The following CDYL2 variants were observed in gnomAD, a reference collection of about 807,000 sequenced individuals.
CDYL2 encodes the protein chromodomain Y-like protein 2.
In CDYL2, 23 loss-of-function variants were observed where a neutral mutation model predicts 49.4. The ratio of observed to expected loss-of-function variants is 0.47; its 90% CI spans 0.34 to 0.66. The LOEUF is 0.66. CDYL2 is among the 30% of genes least tolerant of loss of function. CDYL2 has a pLI of 0.01. For synonymous variants in CDYL2, 360 were observed against 268.8 expected, an observed-to-expected ratio of 1.34 and a Z score of -3.32; for missense variants, 678 against 656.4, an observed-to-expected ratio of 1.03 and a Z score of -0.36.
At position 80,804,199 on chromosome 16, in the gene CDYL2, G is replaced by A. The variant is rs779446449; in HGVS notation, c.-26C>T. The A allele has an allele frequency of 3.0e-6, 4 of 1,331,500 alleles. No individual in the cohort carries two copies. The South Asian group carries it at 4.2e-5, about 14-fold the overall frequency. 82.5% of individuals were successfully genotyped at this position (1,331,500 alleles called of 1,614,324 possible). On this transcript the variant is annotated 5_prime_UTR_variant, in exon 1 of 7. Coordinates refer to ENST00000570137, the MANE Select transcript of CDYL2 (RefSeq NM_152342.4). ...GCCAGGCTGCGGAACTTGGCTCGCCGGTGTGCGCGTCTGCTCGCTCGCGCC... is the reference window on the plus strand; with the variant it reads ...GCCAGGCTGCGGAACTTGGCTCGCCAGTGTGCGCGTCTGCTCGCTCGCGCC...
intron 2 of CDYL2, among the ~76,000 whole-genome samples, chr16:80,675,058 G>C (rs938105081): frequency 3.9e-5 from 6 of 152,202 alleles, no homozygotes; most frequent in African/African-American, 9.7e-5. Context: ...CAGGACCAGA[G>C]GTTCCACCTC....
intron 2 of CDYL2, among the ~76,000 whole-genome samples, chr16:80,633,728 C>A (rs1302602054): frequency 3.3e-5 from 5 of 152,180 alleles, no homozygotes; most frequent in Non-Finnish European, 7.4e-5. Context: ...CCCCCTAGGG[C>A]TTCCTCAGGC....
At chr16:80,633,341 TG>T in intron 2 of CDYL2, 105 bp from the exon 3 acceptor site, 3 of 1,130,378 alleles carry the variant, frequency 2.7e-6, no homozygotes, top group South Asian at 1.5e-5. Flanking sequence ...TTGGATGTGC[TG>T]GGACACACCA....
chr16:80,636,531 A>C (rs28860586), intron 2 of CDYL2, among the ~76,000 whole-genome samples: 9,032 of 152,192 alleles, frequency 0.059, 820 homozygotes, highest in African/African-American at 0.2. Flanking sequence ...GTTAGAATGG[A>C]GATCATTAAG....
rs1375296494 is a variant in CDYL2, at chr16:80,656,527, T to C, written c.617-23291A>G. Among the ~76,000 whole-genome samples the C allele has an allele frequency of 2.6e-5, 4 of 152,202 alleles. No homozygotes were observed. The South Asian group carries it at 6.2e-4, about 24-fold the overall frequency. ...GCTGAGAAGTAAAGGAAATGGTGCA[T>C]GCTACATATCTGGAAAATAGGAAAG... On this transcript the variant is annotated intron_variant, in intron 2 of 6. Coordinates refer to ENST00000570137, the MANE Select transcript of CDYL2 (RefSeq NM_152342.4).
intron 4 of CDYL2, among the ~76,000 whole-genome samples, chr16:80,615,106 G>C (rs1906771384): frequency 6.6e-6 from 1 of 152,152 alleles, no homozygotes; most frequent in Admixed American, 6.5e-5. Flanking sequence ...CCCTAAGATG[G>C]TGGAGTTAGC....
At position 80,709,391 on chromosome 16, in the gene CDYL2, A is replaced by T. The variant is rs559345337; in HGVS notation, c.25-24262T>A. On this transcript the variant is annotated intron_variant, in intron 1 of 6. Transcript: ENST00000570137. ...AGCGAGACTCCATTTCAAAAAAAAA[A>T]AAAAAAGAAAATACAAATTTGTTCC... Among the ~76,000 whole-genome samples, 21 of 152,082 alleles carry T rather than the reference A, an allele frequency of 1.4e-4. No individual in the cohort carries two copies. The South Asian group carries it at 2.5e-3, about 18-fold the overall frequency.
intron 3 of CDYL2, among the ~76,000 whole-genome samples, chr16:80,622,264 C>T (rs1035254587): frequency 2.0e-5 from 3 of 152,124 alleles, no homozygotes; most frequent in African/African-American, 7.2e-5. Context: ...CATTTACCAC[C>T]CTGCAGCCTT....
chr16:80,712,898 C>T (rs531898346), intron 1 of CDYL2, among the ~76,000 whole-genome samples: 1 of 152,124 alleles, frequency 6.6e-6, no homozygotes, highest in African/African-American at 2.4e-5. Flanking sequence ...CAAAGGGGTA[C>T]CAGCTTCCTT....
chr16:80,769,260 G>C (rs1023691804), intron 1 of CDYL2, among the ~76,000 whole-genome samples: 1 of 152,208 alleles, frequency 6.6e-6, no homozygotes, highest in African/African-American at 2.4e-5. Flanking sequence ...ACATCATTAT[G>C]TGATTGAGAG....
intron 2 of CDYL2, among the ~76,000 whole-genome samples, chr16:80,636,918 C>G (rs932475043): frequency 6.6e-6 from 1 of 152,112 alleles, no homozygotes; most frequent in Non-Finnish European, 1.5e-5. Flanking sequence ...ATGGATGAAG[C>G]TGGAAACCAT....
chr16:80,746,895 C>G (rs549260845), intron 1 of CDYL2, among the ~76,000 whole-genome samples: 2 of 152,228 alleles, frequency 1.3e-5, no homozygotes, highest in East Asian at 3.9e-4. Flanking sequence ...TTCCCAGCTT[C>G]TCTTCTCTTT....
intron 1 of CDYL2, among the ~76,000 whole-genome samples, chr16:80,770,765 T>A (rs550571559): frequency 6.6e-6 from 1 of 152,178 alleles, no homozygotes; most frequent in African/African-American, 2.4e-5. Flanking sequence ...ATATACAAAA[T>A]CCTATTATGC....
intron 1 of CDYL2, among the ~76,000 whole-genome samples, chr16:80,760,264 A>G (rs76404269): frequency 0.02 from 3,042 of 152,284 alleles, 32 homozygotes; most frequent in Middle Eastern, 0.037. Context: ...CACACTTGAG[A>G]AAGTTCACTG....
At chr16:80,700,029 G>C (rs1353027474) in intron 1 of CDYL2, among the ~76,000 whole-genome samples, 3 of 152,128 alleles carry the variant, frequency 2.0e-5, no homozygotes, top group Non-Finnish European at 4.4e-5. Context: ...AACCACGCCT[G>C]GCTGATTTTT....
intron 2 of CDYL2, among the ~76,000 whole-genome samples, chr16:80,677,646 G>T (rs1415428211): frequency 6.6e-6 from 1 of 152,088 alleles, no homozygotes; most frequent in Non-Finnish European, 1.5e-5. Flanking sequence ...GGCTGAGGCA[G>T]GAGAATGGCG....
At chr16:80,712,189 G>GTATATATATATATATATATATATA (rs527296483) in intron 1 of CDYL2, among the ~76,000 whole-genome samples, 4 of 75,840 alleles carry the variant, frequency 5.3e-5, no homozygotes, top group African/African-American at 1.0e-4. Flanking sequence ...GTGTCTGTGT[G>GTATATATATATATATATATATATA]TGTATATATA....
At chr16:80,730,613 T>C (rs1905294076) in intron 1 of CDYL2, among the ~76,000 whole-genome samples, 1 of 152,066 alleles carries the variant, frequency 6.6e-6, no homozygotes, top group South Asian at 2.1e-4. Context: ...GAGGCCAGCA[T>C]CATCCTGATA....
At chr16:80,754,499 G>A (rs963363587) in intron 1 of CDYL2, among the ~76,000 whole-genome samples, 3 of 152,180 alleles carry the variant, frequency 2.0e-5, no homozygotes, top group Admixed American at 1.3e-4. Flanking sequence ...TCCGAGAACC[G>A]TCAGACCCAT....
Sources: gnomAD v4.1 joint callset for allele counts (sites outside exome capture counted in the v4.1 genomes callset) on GRCh38, gnomAD v4.1.1 for gene constraint, MANE v1.5 for transcripts, NCBI Gene and HGNC (gene_info 2026-07-23, HGNC 2026-07-21) for gene names.